PCNX2: variants seen among roughly 807,000 people sequenced by gnomAD.
The protein encoded by PCNX2 is pecanex-like protein 2.
A neutral mutation model predicts 223.8 loss-of-function variants in PCNX2; 168 were observed. The ratio of observed to expected loss-of-function variants is 0.75; its 90% CI spans 0.66 to 0.85. The LOEUF (loss-of-function observed/expected upper bound fraction) is 0.85, where lower values mean the gene tolerates loss of function less well. Among genes scored for constraint, PCNX2 ranks in the 40% least tolerant of loss-of-function variants. The pLI, the probability that PCNX2 is intolerant of heterozygous loss-of-function variation, is 0.00. For missense variants in PCNX2, 2,507 were observed against 2,675.5 expected, an observed-to-expected ratio of 0.94 and a Z score of 1.39; for synonymous variants, 1,006 against 1,052.6, an observed-to-expected ratio of 0.96 and a Z score of 0.86.
chr1:233,280,920 AC>A (rs1280640475), intron 1 of PCNX2, among the ~76,000 whole-genome samples: 2 of 152,232 alleles, frequency 1.3e-5, no homozygotes, highest in Admixed American at 1.3e-4. Flanking sequence ...AATAATTAAT[AC>A]ACTGGCACAT....
At chr1:233,206,864 A>T (rs1329209228) in intron 13 of PCNX2, among the ~76,000 whole-genome samples, 7 of 151,908 alleles carry the variant, frequency 4.6e-5, no homozygotes, top group African/African-American at 9.7e-5. Flanking sequence ...TACAAAAATT[A>T]GCCGGGCATG....
At chr1:233,154,646 A>G (rs1678007079) in intron 19 of PCNX2, among the ~76,000 whole-genome samples, 1 of 152,218 alleles carries the variant, frequency 6.6e-6, no homozygotes, top group Non-Finnish European at 1.5e-5. Flanking sequence ...ATATAATTCC[A>G]TATATTTTCC....
intron 2 of PCNX2, 44 bp downstream of exon 2, chr1:233,262,913 CA>C: frequency 1.3e-6 from 2 of 1,579,646 alleles, no homozygotes. Context: ...TAATCAAGAG[CA>C]AAACATTTAC....
chr1:233,035,970 G>C (rs1292625400), intron 25 of PCNX2, among the ~76,000 whole-genome samples: 1 of 152,174 alleles, frequency 6.6e-6, no homozygotes, highest in Non-Finnish European at 1.5e-5. Flanking sequence ...CTTAAAGCTA[G>C]AATTCTAAAT....
At position 233,253,418 on chromosome 1, in the gene PCNX2, C is replaced by T. The variant is rs538970467; in HGVS notation, c.1835-630G>A. Among the ~76,000 whole-genome samples the T allele has an allele frequency of 5.9e-5, 9 of 152,306 alleles. No homozygotes were observed. The highest frequency in any genetic ancestry group is 8.8e-5 in the Non-Finnish European group (6 of 68,032). On this transcript the variant is annotated intron_variant, in intron 5 of 33. Transcript: ENST00000258229. This position sits in a 1 kb window ranked among gnomAD's most constrained non-coding sequence, Gnocchi z 4.2. Reference sequence around the variant, plus strand: ...GGAGTGCAATGGTGGAGTCATAGCACGCTGCAGCTTCAACCTCTTGGGCAC... The same window carrying T: ...GGAGTGCAATGGTGGAGTCATAGCATGCTGCAGCTTCAACCTCTTGGGCAC...
intron 1 of PCNX2, chr1:233,289,376 G>A: frequency 7.8e-7 from 1 of 1,280,214 alleles, no homozygotes; most frequent in Non-Finnish European, 1.1e-6. Flanking sequence ...GAAGAGCCTG[G>A]GAGATGCGGG....
chr1:233,077,266 T>C (rs2102914923), intron 23 of PCNX2, among the ~76,000 whole-genome samples: 1 of 152,354 alleles, frequency 6.6e-6, no homozygotes, highest in Non-Finnish European at 1.5e-5. Flanking sequence ...GACAATATTT[T>C]ACATTTGTTT....
chr1:233,254,032 C>T (rs1659595270), intron 5 of PCNX2, among the ~76,000 whole-genome samples: 1 of 152,202 alleles, frequency 6.6e-6, no homozygotes. Flanking sequence ...CAAGACACAC[C>T]ATTCGAAAAG....
intron 13 of PCNX2, among the ~76,000 whole-genome samples, chr1:233,205,135 G>T (rs911002725): frequency 2.0e-5 from 3 of 152,050 alleles, no homozygotes; most frequent in African/African-American, 7.3e-5. Context: ...TTCCAAAGTT[G>T]ACTTTTTTAC....
Position 233,258,559 on chromosome 1 carries a change from G to A in PCNX2, c.1303C>T (p.Leu435=). ...ACACCTCCTCCCCCACCCTCAGGCAGGTCCAGGGTGATTACAGGAATTGAG... is the reference window on the plus strand; with the variant it reads ...ACACCTCCTCCCCCACCCTCAGGCAAGTCCAGGGTGATTACAGGAATTGAG... ...QISIPVITLD[L]PEGGGGGVPC... Residue 435 remains leucine (L), a synonymous_variant, in exon 5 of 34, where the codon CTG becomes TTG. Transcript: ENST00000258229. The A allele has an allele frequency of 6.2e-7, 1 of 1,613,978 alleles. No homozygotes were observed. Among genetic ancestry groups the A allele is most frequent in the Non-Finnish European group, 8.5e-7 (1 of 1,179,884 alleles).
intron 8 of PCNX2, among the ~76,000 whole-genome samples, chr1:233,239,849 T>TG (rs1658646983): frequency 6.6e-6 from 1 of 152,346 alleles, no homozygotes; most frequent in East Asian, 1.9e-4. Context: ...TTAGCAGGCA[T>TG]GGGGGAAGAG....
At chr1:233,240,063 G>A (rs1658662064) in intron 8 of PCNX2, among the ~76,000 whole-genome samples, 1 of 152,174 alleles carries the variant, frequency 6.6e-6, no homozygotes, top group Non-Finnish European at 1.5e-5. Flanking sequence ...GTATTGTCAT[G>A]TGTATATGGG....
Position 232,991,883 on chromosome 1 carries a change from A to G in PCNX2, c.5792-5343T>C, listed in dbSNP as rs1433421738. On this transcript the variant is annotated intron_variant, in intron 32 of 33. Coordinates refer to ENST00000258229, the MANE Select transcript of PCNX2 (RefSeq NM_014801.4). The surrounding 1 kb of genome is among the most constrained non-coding windows in gnomAD (Gnocchi z 4.3). Reference sequence around the variant, plus strand: ...AGGTTCATGCTGTTTAAGCCACCTGAGCCATGGTACTTTGTCATGGCAGCC... The same window carrying G: ...AGGTTCATGCTGTTTAAGCCACCTGGGCCATGGTACTTTGTCATGGCAGCC... 6.6e-6 allele frequency among the ~76,000 whole-genome samples: 1 copy of G among 152,168 alleles called. No individual in the cohort carries two copies.
intron 21 of PCNX2, among the ~76,000 whole-genome samples, chr1:233,096,976 T>C (rs1479295222): frequency 6.6e-6 from 1 of 152,296 alleles, no homozygotes; most frequent in East Asian, 1.9e-4. Context: ...TAGAATCCTC[T>C]CCAAATCTCT....
Position 233,073,614 on chromosome 1 carries a change from A to C in PCNX2, c.4077-16324T>G, listed in dbSNP as rs147000056. Among the ~76,000 whole-genome samples the C allele has an allele frequency of 4.9e-3, 742 of 151,512 alleles. 6 individuals carry two copies. The highest frequency in any genetic ancestry group is 0.014 in the African/African-American group (559 of 41,254). On this transcript the variant is annotated intron_variant, in intron 23 of 33. Transcript: ENST00000258229. ...ACCTGGTAATATCTTTCTTATTATT[A>C]TTATTATTATTTTTAGAGGCAGGGT...
the PCNX2 span, among the ~76,000 whole-genome samples, chr1:233,313,741 G>T: frequency 1.3e-5 from 2 of 152,230 alleles, no homozygotes. Flanking sequence ...AATGGACAAA[G>T]AAATAACAGG....
At chr1:233,187,263 A>G (rs1399483783) in intron 15 of PCNX2, among the ~76,000 whole-genome samples, 1 of 152,234 alleles carries the variant, frequency 6.6e-6, no homozygotes, top group African/African-American at 2.4e-5. Flanking sequence ...GTAAGTATCT[A>G]TATTTTTCAC....
intron 8 of PCNX2, among the ~76,000 whole-genome samples, chr1:233,238,093 C>T (rs1410289158): frequency 6.6e-6 from 1 of 152,164 alleles, no homozygotes; most frequent in Non-Finnish European, 1.5e-5. Flanking sequence ...TTGATGACAG[C>T]ATTAAACCTC....
chr1:233,241,117 T>G, intron 8 of PCNX2: 2 of 943,292 alleles, frequency 2.1e-6, no homozygotes, highest in Non-Finnish European at 2.5e-6. Context: ...GCAGCACTGT[T>G]CTGAAAACCA....
Sources: gnomAD v4.1 joint callset for allele counts (sites outside exome capture counted in the v4.1 genomes callset) on GRCh38, gnomAD v4.1.1 for gene constraint, Gnocchi (gnomAD v3.1) non-coding constraint, MANE v1.5 for transcripts, NCBI Gene and HGNC (gene_info 2026-07-23, HGNC 2026-07-21) for gene names.